Variants in ARPP19 observed in about 807,000 individuals in gnomAD.
ARPP19 encodes the protein cAMP regulated phosphoprotein 19.
ARPP19 carries 8 observed loss-of-function variants against 12.0 expected under a neutral mutation model. The ratio of observed to expected loss-of-function variants is 0.67; its 90% CI spans 0.39 to 1.21. The LOEUF (loss-of-function observed/expected upper bound fraction) is 1.21, where lower values mean the gene tolerates loss of function less well. ARPP19 is among the 50% of genes most tolerant of loss of function. The probability of loss-of-function intolerance (pLI) is 0.01; values close to 1 mark genes in which losing one functional copy is unlikely to be tolerated. For missense variants in ARPP19, 102 were observed against 136.3 expected (o/e 0.75, Z 1.25); for synonymous variants, 47 against 50.4 (o/e 0.93, Z 0.29).
At chr15:52,565,627 G>T (rs934017102) in intron 1 of ARPP19, among the ~76,000 whole-genome samples, 2 of 152,136 alleles carry the variant, frequency 1.3e-5, no homozygotes, top group African/African-American at 2.4e-5. Context: ...AAATGTGATT[G>T]TATCTATGAC....
chr15:52,569,195 C>T (rs2078118761), upstream of ARPP19: 2 of 424,648 alleles, frequency 4.7e-6, no homozygotes, highest in African/African-American at 2.1e-5. Context: ...CCTCACCTCA[C>T]ATCCGTTTGT....
rs34847422 is a variant in ARPP19, at chr15:52,548,484, CA to C, written c.*3449del. Reference sequence around the variant, plus strand: ...CCTGGGCAAGAGTGAGACTCCATCTCAAAAAAAAAAAAGAATAAAATAAAAT... The same window carrying C: ...CCTGGGCAAGAGTGAGACTCCATCTCAAAAAAAAAAAGAATAAAATAAAAT... On this transcript the variant is annotated 3_prime_UTR_variant, in exon 3 of 3. Coordinates refer to ENST00000249822, the MANE Select transcript of ARPP19 (RefSeq NM_006628.6). 12,814 of 140,816 alleles carry C rather than the reference CA, an allele frequency of 0.091. 1,080 individuals carry two copies. The highest frequency in any genetic ancestry group is 0.47 in the East Asian group (2,318 of 4,944). 8.7% of individuals were successfully genotyped at this position (140,816 alleles called of 1,614,324 possible).
At chr15:52,553,334 T>C (rs1267979341) in intron 2 of ARPP19, among the ~76,000 whole-genome samples, 3 of 152,186 alleles carry the variant, frequency 2.0e-5, no homozygotes, top group Non-Finnish European at 2.9e-5. Context: ...ACATGAAGTA[T>C]GACTACTGCT....
In ARPP19 at chr15:52,568,944, C is replaced by A. The variant is rs2078114887; in HGVS notation, c.-52G>T. The A allele has an allele frequency of 7.3e-7, 1 of 1,378,666 alleles. No individual in the cohort carries two copies. The highest frequency in any genetic ancestry group is 2.7e-5 in the East Asian group (1 of 37,334). 85.4% of individuals were successfully genotyped at this position (1,378,666 alleles called of 1,614,324 possible). On this transcript the variant is annotated 5_prime_UTR_variant, in exon 1 of 3. Coordinates refer to ENST00000249822, the MANE Select transcript of ARPP19 (RefSeq NM_006628.6). ...GGGAAAAGATGCAATTAGCGGGTGG[C>A]CGAGGCCACCCGGCCGCCGCCCGTC... is the stretch of plus-strand genomic sequence containing the variant.
intron 1 of ARPP19, among the ~76,000 whole-genome samples, chr15:52,562,195 A>C (rs2078039701): frequency 1.3e-5 from 2 of 152,160 alleles, no homozygotes; most frequent in African/African-American, 2.4e-5. Context: ...ATAAAAGATA[A>C]AGTAGTTAAG....
intron 1 of ARPP19, among the ~76,000 whole-genome samples, chr15:52,560,833 G>C (rs571286601): frequency 1.3e-5 from 2 of 152,300 alleles, no homozygotes; most frequent in South Asian, 2.1e-4. Flanking sequence ...AGTCGCCCCT[G>C]TGAGCTCCTA....
At position 52,550,877 on chromosome 15, in the gene ARPP19, A is replaced by T. The variant is rs2077923892; in HGVS notation, c.*1057T>A. On this transcript the variant is annotated 3_prime_UTR_variant, in exon 3 of 3. Coordinates refer to ENST00000249822, the MANE Select transcript of ARPP19 (RefSeq NM_006628.6). ...TTCTACATTTAAAAAGTTTATATAA[A>T]TTACATGAATTGCAACTTTCATAAA... The T allele has an allele frequency of 6.5e-6, 1 of 152,684 alleles. No individual in the cohort carries two copies. Among genetic ancestry groups the T allele is most frequent in the African/African-American group, 2.4e-5 (1 of 41,464 alleles). 9.5% of individuals were successfully genotyped at this position (152,684 alleles called of 1,614,324 possible).
chr15:52,565,469 CA>C (rs761163830), intron 1 of ARPP19, among the ~76,000 whole-genome samples: 1 of 152,164 alleles, frequency 6.6e-6, no homozygotes, highest in Non-Finnish European at 1.5e-5. Context: ...ATCTCAAAGG[CA>C]AATATAAGCA....
chr15:52,567,024 C>T (rs1595869441), intron 1 of ARPP19, among the ~76,000 whole-genome samples: 1 of 152,146 alleles, frequency 6.6e-6, no homozygotes, highest in Admixed American at 6.5e-5. Flanking sequence ...GGTACACAGA[C>T]AATAACTTAA....
At position 52,552,215 on chromosome 15, in the gene ARPP19, G is replaced by T. The variant is rs1191486638; in HGVS notation, c.169-111C>A. 6 of 652,268 alleles carry T rather than the reference G, an allele frequency of 9.2e-6. No individual in the cohort carries two copies. In the Admixed American group the frequency reaches 1.6e-4, roughly 17 times the overall value. The allele number at this position is 652,268 out of a possible 1,614,324, so 40.4% of individuals were successfully genotyped here. ...AGGTTGGTCTAAAAGAATTTAAACAGGAATATTAATTAGATGAAATAGTCT... is the reference window on the plus strand; with the variant it reads ...AGGTTGGTCTAAAAGAATTTAAACATGAATATTAATTAGATGAAATAGTCT... On this transcript the variant is annotated intron_variant, in intron 2 of 2. Coordinates refer to ENST00000249822, the MANE Select transcript of ARPP19 (RefSeq NM_006628.6).
intron 1 of ARPP19, among the ~76,000 whole-genome samples, chr15:52,562,555 A>G (rs1412244551): frequency 6.6e-6 from 1 of 152,132 alleles, no homozygotes; most frequent in African/African-American, 2.4e-5. Context: ...ATATGCCTAT[A>G]GTCCTGGCTG....
intron 1 of ARPP19, chr15:52,564,275 G>T (rs1205643902): frequency 6.6e-7 from 1 of 1,515,328 alleles, no homozygotes; most frequent in East Asian, 2.4e-5. Context: ...CATGGATGAG[G>T]CGGTTGCTCA....
chr15:52,557,398 C>T lies in ARPP19; in HGVS notation c.46-176G>A, dbSNP rs2077990581. On this transcript the variant is annotated intron_variant, in intron 1 of 2. Transcript: ENST00000249822. ...TCTCTATCTTGTTTTTCAAAAGATC[C>T]ATGTGATAGCTCTATTATAGCTGTG... The T allele has an allele frequency of 2.4e-5, 14 of 573,150 alleles. No individual in the cohort carries two copies. In the South Asian group the frequency reaches 2.7e-4, roughly 11 times the overall value. The allele number at this position is 573,150 out of a possible 1,614,324, so 35.5% of individuals were successfully genotyped here. A position where few individuals can be genotyped will look rare whatever the true frequency, so the allele number is the denominator to read the frequency against.
intron 1 of ARPP19, among the ~76,000 whole-genome samples, chr15:52,564,835 G>C (rs559955094): frequency 5.9e-5 from 9 of 152,160 alleles, no homozygotes; most frequent in Non-Finnish European, 1.3e-4. Context: ...TCTTACCATG[G>C]TCTATTCTTC....
At chr15:52,566,284 G>A (rs555139601) in intron 1 of ARPP19, among the ~76,000 whole-genome samples, 15 of 152,140 alleles carry the variant, frequency 9.9e-5, no homozygotes, top group East Asian at 3.9e-4. Context: ...TCAGTCTCCC[G>A]AGTAGCTGGG....
At chr15:52,558,555 C>T (rs1176954092) in intron 1 of ARPP19, among the ~76,000 whole-genome samples, 2 of 151,614 alleles carry the variant, frequency 1.3e-5, no homozygotes, top group Admixed American at 6.6e-5. Context: ...GGCACATTTT[C>T]TAAGTAATGG....
intron 1 of ARPP19, 99 bp downstream of exon 1, chr15:52,568,749 G>A: frequency 1.3e-6 from 1 of 788,314 alleles, no homozygotes; most frequent in Non-Finnish European, 1.9e-6. Flanking sequence ...CATGCGCCTC[G>A]GCCCCGCATC....
chr15:52,565,950 G>T (rs1208593481), intron 1 of ARPP19, among the ~76,000 whole-genome samples: 3 of 152,130 alleles, frequency 2.0e-5, no homozygotes, highest in Non-Finnish European at 4.4e-5. Flanking sequence ...CGCCTCCCAG[G>T]TTCAAGCAAT....
chr15:52,558,541 G>A (rs2063330138), intron 1 of ARPP19, among the ~76,000 whole-genome samples: 1 of 151,432 alleles, frequency 6.6e-6, no homozygotes, highest in Admixed American at 6.6e-5. Context: ...CGGGCAGCTG[G>A]CAAGGCACAT....
Sources: gnomAD v4.1 joint callset for allele counts (sites outside exome capture counted in the v4.1 genomes callset) on GRCh38, gnomAD v4.1.1 for gene constraint, MANE v1.5 for transcripts, NCBI Gene and HGNC (gene_info 2026-07-23, HGNC 2026-07-21) for gene names.